Variants in UBTD2 observed in about 807,000 individuals in gnomAD.
The protein encoded by UBTD2 is ubiquitin domain-containing protein 2.
A neutral mutation model predicts 19.8 loss-of-function variants in UBTD2; 9 were observed. That is an observed-to-expected ratio of 0.46 (90% CI 0.27 to 0.79). The LOEUF is 0.79. Ranked by LOEUF, UBTD2 falls within the 30% of genes least tolerant of loss-of-function variation. The pLI is 0.14. For synonymous variants in UBTD2, 98 were observed against 103.9 expected (o/e 0.94, Z 0.35); for missense variants, 250 against 300.4 (o/e 0.83, Z 1.24).
At position 172,239,140 on chromosome 5, in the gene UBTD2, A is replaced by G. The variant is rs533202771; in HGVS notation, c.71-4782T>C. Among the ~76,000 whole-genome samples the G allele has an allele frequency of 3.3e-5, 5 of 152,326 alleles. No individual in the cohort carries two copies. In the South Asian group the frequency reaches 1.0e-3, roughly 32 times the overall value. ...AATGCCTAAAATGCCAACAATCAAT[A>G]CAATATGCAAATCTTCTCTACTGTT... On this transcript the variant is annotated intron_variant, in intron 1 of 2. Transcript: ENST00000393792.
chr5:172,270,350 A>ATT (rs758440849), intron 1 of UBTD2, among the ~76,000 whole-genome samples: 1,126 of 98,616 alleles, frequency 0.011, 9 homozygotes, highest in African/African-American at 0.016. Flanking sequence ...GAATTTTAGA[A>ATT]TTTTTTTTTT....
intron 1 of UBTD2, among the ~76,000 whole-genome samples, chr5:172,281,920 T>C (rs1755725211): frequency 6.6e-6 from 1 of 152,142 alleles, no homozygotes; most frequent in Admixed American, 6.6e-5. Flanking sequence ...ACTGATACTA[T>C]AGCTATCTAA....
At chr5:172,250,025 C>T (rs1012547256) in intron 1 of UBTD2, among the ~76,000 whole-genome samples, 1 of 152,126 alleles carries the variant, frequency 6.6e-6, no homozygotes, top group African/African-American at 2.4e-5. Context: ...GAGTTCGAGA[C>T]CAGCCTGGCA....
intron 1 of UBTD2, among the ~76,000 whole-genome samples, chr5:172,259,084 T>C (rs561657437): frequency 1.5e-3 from 235 of 152,308 alleles, no homozygotes; most frequent in South Asian, 1.9e-3. Context: ...TGTGGGTTTG[T>C]CATAGACGGC....
intron 1 of UBTD2, among the ~76,000 whole-genome samples, chr5:172,259,296 C>A (rs919700855): frequency 6.6e-6 from 1 of 152,060 alleles, no homozygotes; most frequent in African/African-American, 2.4e-5. Context: ...GTACCCACCA[C>A]CACGCCTGGC....
In UBTD2 at chr5:172,238,799, G is replaced by A. The variant is rs547341865; in HGVS notation, c.71-4441C>T. 1.7e-3 allele frequency among the ~76,000 whole-genome samples: 260 copies of A among 152,216 alleles called. 2 individuals carry two copies. The highest frequency in any genetic ancestry group is 5.8e-3 in the African/African-American group (242 of 41,536). On this transcript the variant is annotated intron_variant, in intron 1 of 2. Coordinates refer to ENST00000393792, the MANE Select transcript of UBTD2 (RefSeq NM_152277.3). ...TCTTTGAAAACCTTGATTTAATGATGGAACGCTTCAAATGAAGAAAGAAGA... is the reference window on the plus strand; with the variant it reads ...TCTTTGAAAACCTTGATTTAATGATAGAACGCTTCAAATGAAGAAAGAAGA...
chr5:172,265,934 T>TG (rs1412442211), intron 1 of UBTD2, among the ~76,000 whole-genome samples: 1 of 151,318 alleles, frequency 6.6e-6, no homozygotes, highest in Non-Finnish European at 1.5e-5. Context: ...ATTGTTTTTT[T>TG]TTTTGTTTTT....
chr5:172,244,027 G>A (rs1772186178), intron 1 of UBTD2, among the ~76,000 whole-genome samples: 1 of 152,032 alleles, frequency 6.6e-6, no homozygotes. Context: ...TCAGCATGAA[G>A]GAAACATTGA....
At chr5:172,234,494 T>C in intron 1 of UBTD2, 136 bp from the exon 2 acceptor site, 1 of 733,628 alleles carries the variant, frequency 1.4e-6, no homozygotes, top group Non-Finnish European at 2.2e-6. Flanking sequence ...AATTTGTGCA[T>C]CCTGAAATTC....
rs997065220 is a variant in UBTD2 at position 172,211,571 on chromosome 5, T to C, written c.*259A>G. On this transcript the variant is annotated 3_prime_UTR_variant, in exon 3 of 3. Coordinates refer to ENST00000393792, the MANE Select transcript of UBTD2 (RefSeq NM_152277.3). ...TACATAGTTGTTGAGTGTTCTAAAA[T>C]AAATGGTTATCTATTTCTTAACTGC... is the stretch of plus-strand genomic sequence containing the variant. The C allele has an allele frequency of 3.1e-4, 116 of 373,848 alleles. No individual in the cohort carries two copies. Among genetic ancestry groups the C allele is most frequent in the East Asian group, 2.6e-4 (6 of 23,476 alleles). The allele number at this position is 373,848 out of a possible 1,614,324, so 23.2% of individuals were successfully genotyped here.
At chr5:172,245,878 G>A (rs896006715) in intron 1 of UBTD2, among the ~76,000 whole-genome samples, 1 of 152,234 alleles carries the variant, frequency 6.6e-6, no homozygotes, top group Non-Finnish European at 1.5e-5. Context: ...GCTGAACCTA[G>A]CAGGATTGAT....
chr5:172,284,098 G>A (rs984511267), upstream of UBTD2: 1 of 150,620 alleles, frequency 6.6e-6, no homozygotes, highest in East Asian at 1.9e-4. Flanking sequence ...GCCTGGGCTC[G>A]GCCCGGCCCG....
chr5:172,247,727 A>C (rs986975989), intron 1 of UBTD2, among the ~76,000 whole-genome samples: 1 of 152,240 alleles, frequency 6.6e-6, no homozygotes, highest in Non-Finnish European at 1.5e-5. Context: ...CAGTTCTACA[A>C]ACAATACTTG....
intron 1 of UBTD2, among the ~76,000 whole-genome samples, chr5:172,253,906 A>G (rs1372292658): frequency 6.6e-6 from 1 of 152,150 alleles, no homozygotes; most frequent in African/African-American, 2.4e-5. Context: ...TGGTTTGCTT[A>G]GCAACCCTAG....
At chr5:172,217,738 C>T (rs911794352) in intron 2 of UBTD2, among the ~76,000 whole-genome samples, 8 of 152,106 alleles carry the variant, frequency 5.3e-5, no homozygotes, top group African/African-American at 1.9e-4. Flanking sequence ...AATGATCCGC[C>T]TACCTCGCTT....
intron 1 of UBTD2, among the ~76,000 whole-genome samples, chr5:172,238,590 T>C (rs1396945814): frequency 5.3e-5 from 8 of 152,154 alleles, no homozygotes; most frequent in African/African-American, 1.9e-4. Context: ...CTGTAACAAA[T>C]AAACAGATCT....
chr5:172,237,374 G>A (rs900335939), intron 1 of UBTD2, among the ~76,000 whole-genome samples: 8 of 152,288 alleles, frequency 5.3e-5, no homozygotes, highest in Non-Finnish European at 1.2e-4. Flanking sequence ...TTACAGGCAT[G>A]AGCCACTGCG....
chr5:172,254,529 C>A (rs1755099502), intron 1 of UBTD2: 3 of 586,740 alleles, frequency 5.1e-6, no homozygotes. Context: ...CCATGTGCAT[C>A]CTTCCCATGT....
chr5:172,239,813 A>G (rs1207328322), intron 1 of UBTD2, among the ~76,000 whole-genome samples: 8 of 151,884 alleles, frequency 5.3e-5, no homozygotes, highest in Non-Finnish European at 8.8e-5. Context: ...CTGAGGCAGG[A>G]GAATCGCTTG....
Sources: allele counts gnomAD v4.1 joint callset (sites outside exome capture counted in the v4.1 genomes callset), GRCh38; gene constraint gnomAD v4.1.1; transcripts MANE v1.5; gene names NCBI Gene and HGNC (gene_info 2026-07-23, HGNC 2026-07-21).